Variants in PSKH1 observed in about 807,000 individuals in gnomAD.
The protein encoded by PSKH1 is serine/threonine-protein kinase H1.
A neutral mutation model predicts 26.7 loss-of-function variants in PSKH1; 12 were observed. That is an observed-to-expected ratio of 0.45 (90% CI 0.29 to 0.73). The LOEUF is 0.73. Among genes scored for constraint, PSKH1 ranks in the 30% least tolerant of loss-of-function variants. The probability of loss-of-function intolerance (pLI) is 0.11; values close to 1 mark genes in which losing one functional copy is unlikely to be tolerated. For missense variants in PSKH1, 431 were observed against 595.2 expected, an observed-to-expected ratio of 0.72 and a Z score of 2.87; for synonymous variants, 213 against 234.3, an observed-to-expected ratio of 0.91 and a Z score of 0.83.
chr16:67,893,712 T>C (rs559293934), intron 1 of PSKH1, among the ~76,000 whole-genome samples: 1 of 152,226 alleles, frequency 6.6e-6, no homozygotes, highest in Non-Finnish European at 1.5e-5. Flanking sequence ...TGGTTGTCCT[T>C]GTCCTTACTG....
rs199995143 is a variant in PSKH1 at position 67,927,472 on chromosome 16, C to T, written c.1105C>T (p.Arg369Cys). 253 of 1,614,212 alleles carry T rather than the reference C, an allele frequency of 1.6e-4. No homozygotes were observed. Among genetic ancestry groups the T allele is most frequent in the Non-Finnish European group, 1.9e-4 (219 of 1,180,038 alleles). ...CTCTTCATCCATGAAGAACCTGCAC[C>T]GCTCCATATCCCAGAACCTCCTTAA... ...AASSSMKNLH[R>C]SISQNLLKRA... The change falls in exon 3 of 3, where the codon CGC becomes TGC. Residue 369 changes from arginine (R) to cysteine (C), a missense_variant. By Grantham distance (180) the Arg-to-Cys change is radical (BLOSUM62 -3). Coordinates refer to ENST00000291041, the MANE Select transcript of PSKH1 (RefSeq NM_006742.3). The surrounding 1 kb of genome is among the most constrained non-coding windows in gnomAD (Gnocchi z 5.5).
At chr16:67,918,071 A>G (rs2058192554) in intron 2 of PSKH1, among the ~76,000 whole-genome samples, 1 of 152,158 alleles carries the variant, frequency 6.6e-6, no homozygotes, top group Non-Finnish European at 1.5e-5. Context: ...AAAGGATGAC[A>G]CAGAAGGTGA....
intron 2 of PSKH1, among the ~76,000 whole-genome samples, chr16:67,925,731 G>T (rs1191553227): frequency 6.6e-6 from 1 of 152,140 alleles, no homozygotes; most frequent in African/African-American, 2.4e-5. Context: ...TGGGAATATG[G>T]TTCCCCTGTT....
chr16:67,901,128 C>G (rs904569057), intron 1 of PSKH1, among the ~76,000 whole-genome samples: 1 of 150,138 alleles, frequency 6.7e-6, no homozygotes, highest in Non-Finnish European at 1.5e-5. Flanking sequence ...TCTCTACTTT[C>G]TTTTTTTTTT....
rs946975567 is a variant in PSKH1, at chr16:67,928,551, C to T, written c.*909C>T. 1.3e-5 allele frequency: 2 copies of T among 152,620 alleles called. No individual in the cohort carries two copies. Among genetic ancestry groups the T allele is most frequent in the Non-Finnish European group, 2.9e-5 (2 of 68,076 alleles). The allele number at this position is 152,620 out of a possible 1,614,324, so 9.5% of individuals were successfully genotyped here. On this transcript the variant is annotated 3_prime_UTR_variant, in exon 3 of 3. Coordinates refer to ENST00000291041, the MANE Select transcript of PSKH1 (RefSeq NM_006742.3). This position sits in a 1 kb window ranked among gnomAD's most constrained non-coding sequence, Gnocchi z 4.8. The stretch of plus-strand genomic sequence containing the variant: ...GCCAAGGCAGAGGGAAGGGGGTCCT[C>T]CCGATTAGGGTCGAGTGTCAGCCTG...
chr16:67,918,101 T>C (rs1349406405), intron 2 of PSKH1, among the ~76,000 whole-genome samples: 1 of 152,162 alleles, frequency 6.6e-6, no homozygotes, highest in East Asian at 1.9e-4. Context: ...TACAGACTCA[T>C]GCTAGAGAAC....
chr16:67,920,412 C>G lies in PSKH1; in HGVS notation c.958-6913C>G, dbSNP rs564089583. ...GAGTAGCTGGGATTACAGGTGTGGG[C>G]CACCACACCGGGCTAATTTTTTAGG... On this transcript the variant is annotated intron_variant, in intron 2 of 2. Coordinates refer to ENST00000291041, the MANE Select transcript of PSKH1 (RefSeq NM_006742.3). Among the ~76,000 whole-genome samples the G allele has an allele frequency of 3.3e-3, 497 of 152,248 alleles. 5 individuals are homozygous for G. Among genetic ancestry groups the G allele is most frequent in the African/African-American group, 0.011 (462 of 41,558 alleles).
intron 2 of PSKH1, among the ~76,000 whole-genome samples, chr16:67,921,148 C>T (rs1477331159): frequency 1.3e-5 from 2 of 152,092 alleles, no homozygotes; most frequent in African/African-American, 4.8e-5. Context: ...CATTGTGGTG[C>T]ATGCCTGTAA....
At chr16:67,903,331 T>A (rs1245500026) in intron 1 of PSKH1, among the ~76,000 whole-genome samples, 1 of 152,142 alleles carries the variant, frequency 6.6e-6, no homozygotes, top group Non-Finnish European at 1.5e-5. Context: ...AAAAAATGTT[T>A]GGCAGAGATA....
chr16:67,924,099 T>C (rs543682884), intron 2 of PSKH1, among the ~76,000 whole-genome samples: 8 of 152,334 alleles, frequency 5.3e-5, no homozygotes, highest in Middle Eastern at 6.8e-3. Context: ...CACCTTCTTG[T>C]GTTCAGCCTG....
At chr16:67,903,282 T>C (rs1473645605) in intron 1 of PSKH1, 2 of 152,004 alleles carry the variant, frequency 1.3e-5, no homozygotes, top group Non-Finnish European at 2.9e-5. Context: ...CCTAAGTAGC[T>C]GGGATCACAG....
At chr16:67,903,840 C>A (rs970087396) in intron 1 of PSKH1, among the ~76,000 whole-genome samples, 16 of 125,366 alleles carry the variant, frequency 1.3e-4, no homozygotes, top group African/African-American at 4.4e-4. Context: ...GCACTACACT[C>A]TTTTTTTTTT....
intron 1 of PSKH1, among the ~76,000 whole-genome samples, chr16:67,903,780 A>G (rs775574904): frequency 6.7e-6 from 1 of 148,764 alleles, no homozygotes; most frequent in African/African-American, 2.5e-5. Context: ...CTTCCACCCA[A>G]CATGGAAGTT....
chr16:67,897,501 C>A (rs949531138), intron 1 of PSKH1, among the ~76,000 whole-genome samples: 1 of 152,158 alleles, frequency 6.6e-6, no homozygotes, highest in Non-Finnish European at 1.5e-5. Context: ...TCCTAAGAGT[C>A]ATGTATCAAG....
intron 2 of PSKH1, among the ~76,000 whole-genome samples, chr16:67,918,918 A>T (rs2058194752): frequency 6.6e-6 from 1 of 152,102 alleles, no homozygotes. Flanking sequence ...TGACTCTAAC[A>T]TGCCTTGGGA....
chr16:67,904,456 G>C (rs1015388993), intron 1 of PSKH1, among the ~76,000 whole-genome samples: 1 of 151,662 alleles, frequency 6.6e-6, no homozygotes, highest in Non-Finnish European at 1.5e-5. Context: ...CGCCCACCTC[G>C]GCCTCCCATA....
Position 67,917,398 on chromosome 16 carries a change from A to G in PSKH1, c.957+7692A>G, listed in dbSNP as rs577378647. ...GTGCTTTCTGGCTGCTGATCAGTGG[A>G]CACATCTCTCCTGTCTAGCCTGTAG... On this transcript the variant is annotated intron_variant, in intron 2 of 2. Coordinates refer to ENST00000291041, the MANE Select transcript of PSKH1 (RefSeq NM_006742.3). Among the ~76,000 whole-genome samples the G allele has an allele frequency of 1.2e-4, 19 of 152,310 alleles. 1 individual carries two copies. The highest frequency in any genetic ancestry group is 6.8e-3 in the Middle Eastern group (2 of 294).
intron 1 of PSKH1, among the ~76,000 whole-genome samples, chr16:67,897,748 A>G (rs1355047713): frequency 1.3e-5 from 2 of 151,838 alleles, no homozygotes; most frequent in Non-Finnish European, 2.9e-5. Context: ...GTGCAGTGGC[A>G]TAATCATAGC....
In PSKH1 at chr16:67,909,112, G is replaced by A. The variant is rs766959260; in HGVS notation, c.363G>A (p.Arg121=). 6.2e-7 allele frequency: 1 copy of A among 1,613,786 alleles called. No homozygotes were observed. ...RVVRVEHRAT[R]QPYAIKMIET... ...TACGTGTAGAGCACCGGGCAACCCG[G>A]CAGCCGTATGCCATCAAGATGATTG... is the stretch of plus-strand genomic sequence containing the variant. Residue 121 remains arginine (R), a synonymous_variant, in exon 2 of 3, where the codon CGG becomes CGA. Transcript: ENST00000291041. This position sits in a 1 kb window ranked among gnomAD's most constrained non-coding sequence, Gnocchi z 7.8.
Sources: allele counts gnomAD v4.1 joint callset (sites outside exome capture counted in the v4.1 genomes callset), GRCh38; gene constraint gnomAD v4.1.1; non-coding constraint Gnocchi (gnomAD v3.1); transcripts MANE v1.5; gene names NCBI Gene and HGNC (gene_info 2026-07-23, HGNC 2026-07-21).